The following SFXN3 variants were observed in gnomAD, a reference collection of about 807,000 sequenced individuals.
SFXN3 encodes the protein sideroflexin 3.
Under a neutral mutation model 40.4 loss-of-function variants are expected in SFXN3, and 31 were observed. The observed-to-expected ratio is 0.77, with a 90% confidence interval of 0.58 to 1.04. SFXN3 has a LOEUF of 1.04. Ranked by LOEUF, SFXN3 falls within the 50% of genes least tolerant of loss-of-function variation. The probability of loss-of-function intolerance (pLI) is 0.00; values close to 1 mark genes in which losing one functional copy is unlikely to be tolerated. For synonymous variants in SFXN3, 157 were observed against 160.0 expected (o/e 0.98, Z 0.14); for missense variants, 366 against 408.2 (o/e 0.90, Z 0.89).
At position 101,036,462 on chromosome 10, in the gene SFXN3, G is replaced by A. The variant is rs972466597; in HGVS notation, c.432-24G>A. Reference sequence around the variant, plus strand: ...CCTGCTGGACTTGTCACCTCTCCCCGTGACCTGGCTTTTCCACCCACAGGC... The same window carrying A: ...CCTGCTGGACTTGTCACCTCTCCCCATGACCTGGCTTTTCCACCCACAGGC... On this transcript the variant is annotated intron_variant, in intron 5 of 11. Transcript: ENST00000393459. This position sits in a 1 kb window ranked among gnomAD's most constrained non-coding sequence, Gnocchi z 4.2. 15 of 1,613,420 alleles carry A rather than the reference G, an allele frequency of 9.3e-6. No individual in the cohort carries two copies. Among genetic ancestry groups the A allele is most frequent in the African/African-American group, 8.0e-5 (6 of 74,890 alleles).
chr10:101,035,447 G>A (rs746573410), intron 3 of SFXN3, 50 bp from the exon 4 acceptor site: 14 of 1,549,274 alleles, frequency 9.0e-6, no homozygotes, highest in East Asian at 2.3e-5. Context: ...GCCTGTGAGG[G>A]CAGATCTGCC....
intron 3 of SFXN3, 113 bp downstream of exon 3, chr10:101,034,968 C>T: frequency 5.1e-6 from 7 of 1,360,142 alleles, no homozygotes; most frequent in Non-Finnish European, 6.0e-6. Flanking sequence ...CCTCAATCCC[C>T]TCACTCTCTA....
At chr10:101,035,777 C>A in intron 4 of SFXN3, 110 bp downstream of exon 4, 1 of 1,421,218 alleles carries the variant, frequency 7.0e-7, no homozygotes, top group Non-Finnish European at 9.6e-7. Flanking sequence ...GTGTCAGAAT[C>A]GCTTCCATTC....
At position 101,036,641 on chromosome 10, in the gene SFXN3, C is replaced by G; in HGVS notation, c.507+80C>G. On this transcript the variant is annotated intron_variant, in intron 6 of 11. Transcript: ENST00000393459. The surrounding 1 kb of genome is among the most constrained non-coding windows in gnomAD (Gnocchi z 4.2). ...TTCCTCATCACACCTCCAGTTCTGA[C>G]CTATATGCCCCCTATATCTCCCCAG... 1 of 1,610,876 alleles carries G rather than the reference C, an allele frequency of 6.2e-7. No individual in the cohort carries two copies. Among genetic ancestry groups the G allele is most frequent in the Non-Finnish European group, 8.5e-7 (1 of 1,177,882 alleles).
In SFXN3 at chr10:101,035,710, G is replaced by C. The variant is rs754528242; in HGVS notation, c.332+43G>C. 2.0e-5 allele frequency: 32 copies of C among 1,567,234 alleles called. No homozygotes were observed. The South Asian group carries it at 2.8e-4, about 13-fold the overall frequency. On this transcript the variant is annotated intron_variant, in intron 4 of 11. Coordinates refer to ENST00000393459, the Ensembl canonical transcript of SFXN3. ...TCCCCTTCTTCAGTGCCCTAAGCTAGAGCATAGCTTGACTAGGTGCGCTTC... is the reference window on the plus strand; with the variant it reads ...TCCCCTTCTTCAGTGCCCTAAGCTACAGCATAGCTTGACTAGGTGCGCTTC...
At chr10:101,031,260 G>T (rs1174322169) in exon 1 of SFXN3, 1 of 152,442 alleles carries the variant, frequency 6.6e-6, no homozygotes, top group East Asian at 1.9e-4. Context: ...TAGGCGCCAG[G>T]GACAGCCGAG....
chr10:101,039,371 CCTT>C lies in SFXN3; in HGVS notation c.870-115_870-113del. The C allele has an allele frequency of 8.3e-7, 1 of 1,211,982 alleles. No individual in the cohort carries two copies. Among genetic ancestry groups the C allele is most frequent in the Non-Finnish European group, 1.2e-6 (1 of 821,436 alleles). 75.1% of individuals were successfully genotyped at this position (1,211,982 alleles called of 1,614,324 possible). On this transcript the variant is annotated intron_variant, in intron 11 of 11. Coordinates refer to ENST00000393459, the Ensembl canonical transcript of SFXN3. This position sits in a 1 kb window ranked among gnomAD's most constrained non-coding sequence, Gnocchi z 4.6. ...AGTGGGGGAATGACAGTGAGCCAGTCCTTCTGGCAGTAGAAGGAGAGGATTTTT... is the reference window on the plus strand; with the variant it reads ...AGTGGGGGAATGACAGTGAGCCAGTCCTGGCAGTAGAAGGAGAGGATTTTT...
In SFXN3 at chr10:101,039,734, G is replaced by C. The variant is rs1064255; in HGVS notation, c.*149G>C. On this transcript the variant is annotated 3_prime_UTR_variant, in exon 12 of 12. Transcript: ENST00000393459. This position sits in a 1 kb window ranked among gnomAD's most constrained non-coding sequence, Gnocchi z 4.6. ...TGAGGGTAGCAACCTATTAGGGTGGGGGAGGGACCTCCATAAGGCTTTTCC... is the reference window on the plus strand; with the variant it reads ...TGAGGGTAGCAACCTATTAGGGTGGCGGAGGGACCTCCATAAGGCTTTTCC... 1 of 689,682 alleles carries C rather than the reference G, an allele frequency of 1.4e-6. No individual in the cohort carries two copies. Among genetic ancestry groups the C allele is most frequent in the South Asian group, 1.7e-5 (1 of 57,846 alleles). 42.7% of individuals were successfully genotyped at this position (689,682 alleles called of 1,614,324 possible).
rs919428174 is a variant in SFXN3 at position 101,036,280 on chromosome 10, A to T, written c.431+179A>T. Among the ~76,000 whole-genome samples, 1 of 152,100 alleles carries T rather than the reference A, an allele frequency of 6.6e-6. No homozygotes were observed. The highest frequency in any genetic ancestry group is 2.4e-5 in the African/African-American group (1 of 41,400). On this transcript the variant is annotated intron_variant, in intron 5 of 11. Coordinates refer to ENST00000393459, the Ensembl canonical transcript of SFXN3. The surrounding 1 kb of genome is among the most constrained non-coding windows in gnomAD (Gnocchi z 4.2). ...CTAACTGAAGGCATGAGGTCCTCTT[A>T]TGTATGCTGTGGGGGACCCACCCCT...
chr10:101,035,512 C>G, exon 4 of SFXN3: 1 of 1,608,102 alleles, frequency 6.2e-7, no homozygotes, highest in Non-Finnish European at 8.5e-7. Context: ...GCGTGGTGAC[C>G]CCAGGGATCA....
intron 8 of SFXN3, 52 bp downstream of exon 8, chr10:101,037,255 G>A (rs1396913094): frequency 1.9e-6 from 3 of 1,613,442 alleles, no homozygotes; most frequent in African/African-American, 1.3e-5. Context: ...AGAAGCAGGT[G>A]CAGTTCTCAG....
At position 101,039,602 on chromosome 10, in the gene SFXN3, TC is replaced by T. The variant is rs1751116369; in HGVS notation, c.*21del. 1 of 1,606,314 alleles carries T rather than the reference TC, an allele frequency of 6.2e-7. No individual in the cohort carries two copies. The highest frequency in any genetic ancestry group is 8.5e-7 in the Non-Finnish European group (1 of 1,172,874). On this transcript the variant is annotated 3_prime_UTR_variant, in exon 12 of 12. Transcript: ENST00000393459. This position sits in a 1 kb window ranked among gnomAD's most constrained non-coding sequence, Gnocchi z 4.6. Reference sequence around the variant, plus strand: ...GGGCTTTGAGGAGGGTCAGCCTCTGTCCCCTCCCTCACTTCCTTGGGCTGCT... The same window carrying T: ...GGGCTTTGAGGAGGGTCAGCCTCTGTCCCTCCCTCACTTCCTTGGGCTGCT...
In SFXN3 at chr10:101,036,837, A is replaced by T; in HGVS notation, c.593+29A>T. On this transcript the variant is annotated intron_variant, in intron 7 of 11. Transcript: ENST00000393459. The surrounding 1 kb of genome is among the most constrained non-coding windows in gnomAD (Gnocchi z 4.2). The stretch of plus-strand genomic sequence containing the variant: ...AGTGACCCCGGCTCCTGGCATGTGC[A>T]TGCCCAGAATGTAGCACACTGTCCA... The T allele has an allele frequency of 1.9e-6, 3 of 1,609,638 alleles. No individual in the cohort carries two copies. The highest frequency in any genetic ancestry group is 2.5e-6 in the Non-Finnish European group (3 of 1,176,588).
At position 101,039,232 on chromosome 10, in the gene SFXN3, G is replaced by A. The variant is rs1938777102; in HGVS notation, c.869+10G>A. 6.2e-7 allele frequency: 1 copy of A among 1,603,326 alleles called. No homozygotes were observed. The highest frequency in any genetic ancestry group is 1.3e-5 in the African/African-American group (1 of 74,596). On this transcript the variant is annotated intron_variant, in intron 11 of 11. Coordinates refer to ENST00000393459, the Ensembl canonical transcript of SFXN3. This position sits in a 1 kb window ranked among gnomAD's most constrained non-coding sequence, Gnocchi z 4.6. ...TATTCCCCCAGAAGAGGTAAGTGCT[G>A]TCCCTGGGCTGGGTGGGGGACTCTG...
At position 101,036,651 on chromosome 10, in the gene SFXN3, C is replaced by T. The variant is rs768266027; in HGVS notation, c.508-72C>T. On this transcript the variant is annotated intron_variant, in intron 6 of 11. Coordinates refer to ENST00000393459, the Ensembl canonical transcript of SFXN3. This position sits in a 1 kb window ranked among gnomAD's most constrained non-coding sequence, Gnocchi z 4.2. ...CACCTCCAGTTCTGACCTATATGCCCCCTATATCTCCCCAGAGTCCCTCAC... is the reference window on the plus strand; with the variant it reads ...CACCTCCAGTTCTGACCTATATGCCTCCTATATCTCCCCAGAGTCCCTCAC... 1 of 1,609,220 alleles carries T rather than the reference C, an allele frequency of 6.2e-7. No individual in the cohort carries two copies. The highest frequency in any genetic ancestry group is 8.5e-7 in the Non-Finnish European group (1 of 1,176,360).
At chr10:101,040,471 G>T (rs1292716681) in exon 12 of SFXN3, 1 of 152,232 alleles carries the variant, frequency 6.6e-6, no homozygotes, top group East Asian at 1.9e-4. Context: ...GGACACAGCG[G>T]TAGGAATGGT....
At chr10:101,038,435 G>C (rs913387088) in intron 9 of SFXN3, 1 of 1,437,706 alleles carries the variant, frequency 7.0e-7, no homozygotes. Flanking sequence ...ATGGGATGCC[G>C]GGGAGGGTGA....
rs2277260 is a variant in SFXN3, at chr10:101,039,205, C to A, written c.852C>A (p.Ala284=). 0.025 allele frequency: 40,472 copies of A among 1,606,326 alleles called. 718 individuals are homozygous for A. The highest frequency in any genetic ancestry group is 0.089 in the East Asian group (4,003 of 44,848). Residue 284 remains alanine, a synonymous_variant, in exon 11 of 12, where the codon GCC becomes GCA. Transcript: ENST00000393459. The surrounding 1 kb of genome is among the most constrained non-coding windows in gnomAD (Gnocchi z 4.6). ...TATTTGCAACCCCCCTGTGCTGTGC[C>A]CTATTCCCCCAGAAGAGGTAAGTGC...
chr10:101,032,299 A>G lies in SFXN3; in HGVS notation c.-172-15A>G, dbSNP rs558326208. The G allele has an allele frequency of 6.1e-4, 402 of 655,178 alleles. 5 individuals carry two copies. In the South Asian group the frequency reaches 7.5e-3, roughly 12 times the overall value. 40.6% of individuals were successfully genotyped at this position (655,178 alleles called of 1,614,324 possible). On this transcript the variant is annotated splice_polypyrimidine_tract_variant and intron_variant, in intron 1 of 11. Transcript: ENST00000393459. ...GGCTGGGGGCATCGCCTCGAATGAC[A>G]CCCACCGCCCTCAGGTTCTGCCAAT...
Sources: allele counts gnomAD v4.1 joint callset (sites outside exome capture counted in the v4.1 genomes callset), GRCh38; gene constraint gnomAD v4.1.1; non-coding constraint Gnocchi (gnomAD v3.1); transcripts MANE v1.5; gene names NCBI Gene and HGNC (gene_info 2026-07-23, HGNC 2026-07-21).